The following MDGA2 variants were observed in gnomAD, a reference collection of about 807,000 sequenced individuals.
The protein encoded by MDGA2 is MAM domain-containing glycosylphosphatidylinositol anchor protein 2.
In MDGA2, 40 loss-of-function variants were observed where a neutral mutation model predicts 117.8. The observed-to-expected ratio is 0.34, with a 90% CI of 0.26 to 0.44. The LOEUF (loss-of-function observed/expected upper bound fraction) is 0.44, where lower values mean the gene tolerates loss of function less well. MDGA2 is among the 20% of genes least tolerant of loss of function. MDGA2 has a pLI of 1.00. For synonymous variants in MDGA2, 452 were observed against 439.0 expected (o/e 1.03, Z -0.37); for missense variants, 1,123 against 1,250.6 (o/e 0.90, Z 1.54).
chr14:46,945,710 C>T (rs1291051818), intron 9 of MDGA2, among the ~76,000 whole-genome samples: 1 of 152,060 alleles, frequency 6.6e-6, no homozygotes, highest in East Asian at 1.9e-4. Flanking sequence ...AGCAAATTCC[C>T]CCAAATGGAG....
At chr14:47,551,137 T>C (rs1013983847) in intron 1 of MDGA2, among the ~76,000 whole-genome samples, 2 of 152,198 alleles carry the variant, frequency 1.3e-5, no homozygotes, top group Non-Finnish European at 2.9e-5. Context: ...AAAATACAAA[T>C]CAACTTTAAT....
At position 47,032,633 on chromosome 14, in the gene MDGA2, A is replaced by C. The variant is rs145049060; in HGVS notation, c.1819+2378T>G. The stretch of plus-strand genomic sequence containing the variant: ...AAAAGTTAGACTGTTTTTCAATTTA[A>C]AAACATTATCTGAATTCCTGTACTA... On this transcript the variant is annotated intron_variant, in intron 8 of 16. Coordinates refer to ENST00000399232, the MANE Select transcript of MDGA2 (RefSeq NM_001113498.3). Among the ~76,000 whole-genome samples the C allele has an allele frequency of 4.5e-3, 688 of 152,294 alleles. 6 individuals carry two copies. Among genetic ancestry groups the C allele is most frequent in the African/African-American group, 0.015 (643 of 41,564 alleles).
chr14:47,106,982 C>T lies in MDGA2; in HGVS notation c.926-9859G>A, dbSNP rs1045511736. ...TTAACTAAATTATCTGCTTCCCTGA[C>T]TATTCCTGGACTACAGCTATATCTC... is the stretch of plus-strand genomic sequence containing the variant. On this transcript the variant is annotated intron_variant, in intron 5 of 16. Transcript: ENST00000399232. Among the ~76,000 whole-genome samples, 4 of 119,858 alleles carry T rather than the reference C, an allele frequency of 3.3e-5. 1 individual carries two copies. The highest frequency in any genetic ancestry group is 2.8e-4 in the East Asian group (1 of 3,588). 78.6% of individuals were successfully genotyped at this position (119,858 alleles called of 152,430 possible).
chr14:47,070,260 T>C (rs902849655), intron 6 of MDGA2, among the ~76,000 whole-genome samples: 1 of 152,138 alleles, frequency 6.6e-6, no homozygotes, highest in Non-Finnish European at 1.5e-5. Flanking sequence ...TTCTGTTACA[T>C]AGATTTATTT....
chr14:47,134,234 C>T lies in MDGA2; in HGVS notation c.793-2388G>A, dbSNP rs538352309. Reference sequence around the variant, plus strand: ...TGCTCTCAGCATTATATTCTGGGCACGTGACACAGGGCTTAGCAGAGAGGA... The same window carrying T: ...TGCTCTCAGCATTATATTCTGGGCATGTGACACAGGGCTTAGCAGAGAGGA... On this transcript the variant is annotated intron_variant, in intron 4 of 16. Coordinates refer to ENST00000399232, the MANE Select transcript of MDGA2 (RefSeq NM_001113498.3). Among the ~76,000 whole-genome samples, 11 of 152,076 alleles carry T rather than the reference C, an allele frequency of 7.2e-5. No homozygotes were observed. The South Asian group carries it at 1.9e-3, about 26-fold the overall frequency.
At chr14:47,436,247 A>G (rs574927736) in intron 1 of MDGA2, among the ~76,000 whole-genome samples, 3 of 152,304 alleles carry the variant, frequency 2.0e-5, no homozygotes, top group South Asian at 4.1e-4. Flanking sequence ...AAGATTTTTT[A>G]AATGGCTAAA....
In MDGA2 at chr14:46,849,869, G is replaced by T. The variant is rs183512548; in HGVS notation, c.2884-3998C>A. Among the ~76,000 whole-genome samples the T allele has an allele frequency of 4.4e-4, 66 of 151,596 alleles. No individual in the cohort carries two copies. In the East Asian group the frequency reaches 0.011, roughly 25 times the overall value. ...TTTTCGTTTCCTCTTCAGTACTTCT[G>T]AAATGCATTTGGTTTAACTAACTTG... On this transcript the variant is annotated intron_variant, in intron 15 of 16. Transcript: ENST00000399232.
At chr14:47,135,768 C>G (rs151237757) in intron 4 of MDGA2, among the ~76,000 whole-genome samples, 248 of 152,200 alleles carry the variant, frequency 1.6e-3, no homozygotes, top group Middle Eastern at 3.4e-3. Flanking sequence ...ATAAACTCTT[C>G]ATTCTCATCA....
intron 1 of MDGA2, among the ~76,000 whole-genome samples, chr14:47,485,388 G>A (rs946367960): frequency 1.3e-5 from 2 of 152,074 alleles, no homozygotes; most frequent in African/African-American, 4.8e-5. Context: ...GCAGTTAAGA[G>A]GTAACTTGAC....
At chr14:47,619,151 AGATACATT>A (rs968027861) in intron 1 of MDGA2, among the ~76,000 whole-genome samples, 8 of 125,102 alleles carry the variant, frequency 6.4e-5, no homozygotes, top group South Asian at 2.3e-4. Flanking sequence ...ACACACACAC[AGATACATT>A]ATCTACAAAA....
At chr14:47,440,255 C>A (rs2138545671) in intron 1 of MDGA2, among the ~76,000 whole-genome samples, 1 of 152,214 alleles carries the variant, frequency 6.6e-6, no homozygotes, top group African/African-American at 2.4e-5. Flanking sequence ...TTGGGGCAGA[C>A]CTTAATGAGG....
At chr14:46,864,585 T>G in intron 14 of MDGA2, among the ~76,000 whole-genome samples, 2 of 95,878 alleles carry the variant, frequency 2.1e-5, no homozygotes, top group Non-Finnish European at 2.2e-5. Flanking sequence ...AAATTAAAGG[T>G]TTGTTGTAAC....
intron 2 of MDGA2, among the ~76,000 whole-genome samples, chr14:47,231,746 C>T (rs1180739154): frequency 5.9e-5 from 8 of 134,902 alleles, no homozygotes; most frequent in African/African-American, 2.1e-4. Context: ...ATTGAACCTT[C>T]GTGTTGGAAA....
chr14:47,106,457 T>C (rs61992546), intron 5 of MDGA2, among the ~76,000 whole-genome samples: 186 of 150,494 alleles, frequency 1.2e-3, no homozygotes, highest in East Asian at 5.1e-3. Context: ...GCTTGCTACA[T>C]GTGCCGGAAA....
At chr14:47,311,263 G>C (rs749966494) in intron 1 of MDGA2, among the ~76,000 whole-genome samples, 3 of 151,990 alleles carry the variant, frequency 2.0e-5, no homozygotes, top group Admixed American at 6.6e-5. Flanking sequence ...GCATAAATTG[G>C]GTAATTAGAG....
intron 1 of MDGA2, among the ~76,000 whole-genome samples, chr14:47,388,874 G>C (rs1251808446): frequency 6.6e-6 from 1 of 152,116 alleles, no homozygotes; most frequent in Non-Finnish European, 1.5e-5. Flanking sequence ...CAGCCTCCTT[G>C]CAGTATAAAG....
At chr14:47,667,648 C>T (rs1390315922) in intron 1 of MDGA2, among the ~76,000 whole-genome samples, 1 of 152,216 alleles carries the variant, frequency 6.6e-6, no homozygotes. Context: ...TTCCAATAGC[C>T]TTTACTTCCT....
chr14:47,440,335 G>C (rs1026339498), intron 1 of MDGA2, among the ~76,000 whole-genome samples: 2 of 152,110 alleles, frequency 1.3e-5, no homozygotes, highest in African/African-American at 4.8e-5. Context: ...GAGTTCCCCT[G>C]AGGGACTATG....
chr14:46,986,147 GT>G (rs11419291), intron 8 of MDGA2, among the ~76,000 whole-genome samples: 2 of 151,942 alleles, frequency 1.3e-5, no homozygotes, highest in Non-Finnish European at 2.9e-5. Flanking sequence ...ACAGACCACT[GT>G]TTTTTTGCTT....
Sources: allele counts gnomAD v4.1 joint callset (sites outside exome capture counted in the v4.1 genomes callset), GRCh38; gene constraint gnomAD v4.1.1; transcripts MANE v1.5; gene names NCBI Gene and HGNC (gene_info 2026-07-23, HGNC 2026-07-21).